The following TNS1 variants were observed in gnomAD, a reference collection of about 807,000 sequenced individuals.
TNS1 encodes the protein tensin 1, also known as tensin-1.
In TNS1, 62 loss-of-function variants were observed where a neutral mutation model predicts 168.6. The ratio of observed to expected loss-of-function variants is 0.37; its 90% CI spans 0.30 to 0.45. The LOEUF (loss-of-function observed/expected upper bound fraction) is 0.45, where lower values mean the gene tolerates loss of function less well. Ranked by LOEUF, TNS1 falls within the 20% of genes least tolerant of loss-of-function variation. TNS1 has a pLI of 1.00. For missense variants in TNS1, 2,240 were observed against 2,339.4 expected, an observed-to-expected ratio of 0.96 and a Z score of 0.88; for synonymous variants, 934 against 933.2, an observed-to-expected ratio of 1.00 and a Z score of -0.02.
intron 31 of TNS1, 53 bp from the exon 32 acceptor site, chr2:217,808,160 C>T: frequency 6.3e-7 from 1 of 1,598,374 alleles, no homozygotes; most frequent in Non-Finnish European, 8.5e-7. Flanking sequence ...TCCCTAGAGC[C>T]CAGCCCCACC....
intron 3 of TNS1, among the ~76,000 whole-genome samples, chr2:217,975,796 C>T (rs769048557): frequency 2.6e-5 from 4 of 152,174 alleles, no homozygotes; most frequent in Non-Finnish European, 5.9e-5. Flanking sequence ...AGACCCAGCC[C>T]CTCCTCACTG....
Position 217,849,085 on chromosome 2 carries a change from C to T in TNS1, c.1432G>A (p.Val478Met). ...SGHRDDGMEE[V>M]VGHTQGPLDG... ...AGTGGCCCCTGCGTGTGTCCCACCA[C>T]CTCTGCAAGGGACAGAGCCGGAGGG... Residue 478 changes from valine to methionine, a missense_variant and splice_region_variant, in exon 19 of 33, where the codon GTG (valine) becomes ATG (methionine). Physicochemically the swap from Val to Met is conservative, Grantham distance 21 (BLOSUM62 1). Coordinates refer to ENST00000682258, the MANE Select transcript of TNS1 (RefSeq NM_001387777.1). The T allele has an allele frequency of 6.2e-7, 1 of 1,609,460 alleles. No homozygotes were observed. Among genetic ancestry groups the T allele is most frequent in the Middle Eastern group, 2.0e-4 (1 of 5,114 alleles).
upstream of TNS1, among the ~76,000 whole-genome samples, chr2:218,014,065 C>T (rs1197720366): frequency 1.3e-5 from 2 of 152,232 alleles, no homozygotes; most frequent in Non-Finnish European, 2.9e-5. Flanking sequence ...GCCCACCTGG[C>T]TCAGGGCAGG....
chr2:217,920,352 C>T, intron 3 of TNS1, 116 bp from the exon 4 acceptor site: 1 of 676,928 alleles, frequency 1.5e-6, no homozygotes, highest in African/African-American at 1.8e-5. Context: ...GGGCTGACAC[C>T]TTCTGGGTTG....
rs373348189 is a variant in TNS1, at chr2:217,804,417, A to T, written c.*42T>A. The T allele has an allele frequency of 9.3e-6, 15 of 1,608,210 alleles. No homozygotes were observed. The highest frequency in any genetic ancestry group is 1.3e-5 in the Non-Finnish European group (15 of 1,175,916). On this transcript the variant is annotated 3_prime_UTR_variant, in exon 33 of 33. Transcript: ENST00000682258. ...AGGATTCATGGGTCCCCTCCCCACA[A>T]GCCCCTTCCCCATGGCACTGGCCCT...
Position 217,800,321 on chromosome 2 carries a change from A to AG in TNS1, c.*4137dup, listed in dbSNP as rs1400427583. 1 of 152,256 alleles carries AG rather than the reference A, an allele frequency of 6.6e-6. No homozygotes were observed. Among genetic ancestry groups the AG allele is most frequent in the Non-Finnish European group, 1.5e-5 (1 of 68,086 alleles). The allele number at this position is 152,256 out of a possible 1,614,324, so 9.4% of individuals were successfully genotyped here. A position where few individuals can be genotyped will look rare whatever the true frequency, so the allele number is the denominator to read the frequency against. On this transcript the variant is annotated 3_prime_UTR_variant, in exon 33 of 33. Coordinates refer to ENST00000682258, the MANE Select transcript of TNS1 (RefSeq NM_001387777.1). Reference sequence around the variant, plus strand: ...CAACATTTTGGACATTTGAGGACAGAGGTGCCAAGAGGGACAGATCTGCCC... The same window carrying AG: ...CAACATTTTGGACATTTGAGGACAGAGGGTGCCAAGAGGGACAGATCTGCCC...
intron 1 of TNS1, among the ~76,000 whole-genome samples, chr2:217,994,330 C>T (rs1360450512): frequency 6.6e-6 from 1 of 152,016 alleles, no homozygotes; most frequent in Non-Finnish European, 1.5e-5. Flanking sequence ...GTGTCAACTG[C>T]AGCAGTCCAG....
chr2:218,005,021 G>C (rs1375901805), upstream of TNS1, among the ~76,000 whole-genome samples: 1 of 152,192 alleles, frequency 6.6e-6, no homozygotes, highest in African/African-American at 2.4e-5. Context: ...AGGCCTCTCT[G>C]AGAGCCCCTG....
chr2:217,852,239 T>C (rs1452425688), intron 18 of TNS1, among the ~76,000 whole-genome samples: 2 of 152,198 alleles, frequency 1.3e-5, no homozygotes, highest in Non-Finnish European at 2.9e-5. Context: ...GGTGGTTCTC[T>C]TGAGGATGGG....
chr2:217,858,397 C>T (rs755049125), intron 18 of TNS1: 134 of 505,910 alleles, frequency 2.6e-4, no homozygotes, highest in Non-Finnish European at 3.3e-4. Flanking sequence ...CCTCCACACC[C>T]TCCCAGCACA....
intron 22 of TNS1, among the ~76,000 whole-genome samples, chr2:217,825,233 C>T (rs566657516): frequency 6.6e-5 from 10 of 152,090 alleles, no homozygotes; most frequent in East Asian, 1.9e-4. Flanking sequence ...ATAGCTTTGG[C>T]CTTTGGCTAG....
intron 32 of TNS1, among the ~76,000 whole-genome samples, chr2:217,805,300 G>C (rs569223524): frequency 6.6e-6 from 1 of 152,030 alleles, no homozygotes; most frequent in Admixed American, 6.5e-5. Flanking sequence ...ATTAGAGCGA[G>C]ATGGGGAAAT....
chr2:217,845,777 G>A (rs1281632169), intron 19 of TNS1, among the ~76,000 whole-genome samples: 2 of 152,260 alleles, frequency 1.3e-5, no homozygotes, highest in East Asian at 3.9e-4. Context: ...ATCCTCCCAG[G>A]GCCATTAGGG....
rs150803815 is a variant in TNS1 at position 217,836,065 on chromosome 2, G to C, written c.3154C>G (p.Pro1052Ala). ...AGAGCGATGGTAAGAGCCAGCTCCG[G>C]GGAGACACACTGGACAGGGGAGCGA... ...GVRSPVQCVS[P>A]ELALTIALNP... Residue 1052 changes from proline (P) to alanine (A), a missense_variant, in exon 20 of 33, where the codon CCG (proline) becomes GCG (alanine). Pro to Ala is a conservative substitution (Grantham distance 27, BLOSUM62 -1). This residue lies in a region of TNS1 where 2,131 missense variants were observed against 2,171.2 expected (regional missense o/e 0.98). Coordinates refer to ENST00000682258, the MANE Select transcript of TNS1 (RefSeq NM_001387777.1). 5.7e-5 allele frequency: 92 copies of C among 1,613,932 alleles called. No individual in the cohort carries two copies. The highest frequency in any genetic ancestry group is 7.7e-5 in the Non-Finnish European group (91 of 1,179,966).
chr2:217,903,116 G>T (rs1953212412), intron 6 of TNS1, among the ~76,000 whole-genome samples: 1 of 152,120 alleles, frequency 6.6e-6, no homozygotes, highest in African/African-American at 2.4e-5. Flanking sequence ...GTAACACAAG[G>T]CATCCGGTCA....
At chr2:217,892,894 A>AG (rs1398646381) in intron 11 of TNS1, 54 bp downstream of exon 11, 78 of 1,574,672 alleles carry the variant, frequency 5.0e-5, no homozygotes, top group Middle Eastern at 1.8e-4. Context: ...GGATGAGAGG[A>AG]GGGGGGTCAC....
At chr2:218,010,291 G>T (rs1289762803) in exon 1 of TNS1, 2 of 397,618 alleles carry the variant, frequency 5.0e-6, no homozygotes, top group African/African-American at 4.1e-5. Context: ...GGGGTAGGAA[G>T]GCGGGCGCCC....
At chr2:217,910,821 C>T (rs1378403955) in intron 4 of TNS1, among the ~76,000 whole-genome samples, 6 of 151,970 alleles carry the variant, frequency 3.9e-5, no homozygotes, top group Non-Finnish European at 7.4e-5. Context: ...AAGACATCAT[C>T]TCCTCCATCC....
At chr2:217,869,252 C>T (rs942044677) in intron 18 of TNS1, among the ~76,000 whole-genome samples, 3 of 152,132 alleles carry the variant, frequency 2.0e-5, no homozygotes, top group Admixed American at 6.5e-5. Context: ...GGGAGGATGC[C>T]GCCTCTCCGA....
Sources: allele counts gnomAD v4.1 joint callset (sites outside exome capture counted in the v4.1 genomes callset), GRCh38; gene constraint gnomAD v4.1.1; regional missense constraint gnomAD v4.1.1; transcripts MANE v1.5; gene names NCBI Gene and HGNC (gene_info 2026-07-23, HGNC 2026-07-21).